The following PDSS2 variants were observed in gnomAD, a reference collection of about 807,000 sequenced individuals.
PDSS2 encodes decaprenyl diphosphate synthase subunit 2.
In PDSS2, 31 loss-of-function variants were observed where a neutral mutation model predicts 44.5. The ratio of observed to expected loss-of-function variants is 0.70; its 90% CI spans 0.52 to 0.94. The LOEUF (loss-of-function observed/expected upper bound fraction) is 0.94. Among genes scored for constraint, PDSS2 ranks in the 40% least tolerant of loss-of-function variants. The pLI, the probability that PDSS2 is intolerant of heterozygous loss-of-function variation, is 0.00. For missense variants in PDSS2, 452 were observed against 482.2 expected (o/e 0.94, Z 0.59); for synonymous variants, 157 against 180.3 (o/e 0.87, Z 1.03).
At position 107,459,561 on chromosome 6, in the gene PDSS2, G is replaced by A. The variant is rs1009916932; in HGVS notation, c.-276C>T. On this transcript the variant is annotated 5_prime_UTR_variant, in exon 1 of 8. Coordinates refer to ENST00000369037, the MANE Select transcript of PDSS2 (RefSeq NM_020381.4). The surrounding 1 kb of genome is among the most constrained non-coding windows in gnomAD (Gnocchi z 4.3). ...CTATGTGGAGGACGCCATATTGGAG[G>A]CATGGAATGCGGCCTGCCGTAAAGA... The A allele has an allele frequency of 1.0e-5, 5 of 490,832 alleles. No individual in the cohort carries two copies. The highest frequency in any genetic ancestry group is 3.7e-5 in the Admixed American group (1 of 26,962). The allele number at this position is 490,832 out of a possible 1,614,324, so 30.4% of individuals were successfully genotyped here.
intron 2 of PDSS2, among the ~76,000 whole-genome samples, chr6:107,314,048 T>A (rs1777128881): frequency 6.6e-6 from 1 of 151,922 alleles, no homozygotes; most frequent in African/African-American, 2.4e-5. Context: ...GATCTAAGAG[T>A]CCAAGGTTGC....
At chr6:107,456,708 ATTTAT>A (rs1479248623) in intron 1 of PDSS2, among the ~76,000 whole-genome samples, 1 of 152,086 alleles carries the variant, frequency 6.6e-6, no homozygotes, top group African/African-American at 2.4e-5. Context: ...CGCCCAACTA[ATTTAT>A]TTTATTTTTT....
At chr6:107,345,408 C>G (rs1778211565) in intron 1 of PDSS2, among the ~76,000 whole-genome samples, 1 of 150,440 alleles carries the variant, frequency 6.6e-6, no homozygotes, top group Non-Finnish European at 1.5e-5. Flanking sequence ...AGTATCAGTC[C>G]TATTAGCTAA....
intron 4 of PDSS2, among the ~76,000 whole-genome samples, chr6:107,215,154 C>A (rs971541912): frequency 2.6e-5 from 4 of 151,972 alleles, no homozygotes; most frequent in African/African-American, 9.7e-5. Context: ...TAAGAAAAAC[C>A]ATATTATCTC....
chr6:107,411,764 C>T (rs947767655), intron 1 of PDSS2, among the ~76,000 whole-genome samples: 1 of 151,756 alleles, frequency 6.6e-6, no homozygotes, highest in Non-Finnish European at 1.5e-5. Flanking sequence ...ATACACAATA[C>T]TACTTCATTT....
Position 107,212,273 on chromosome 6 carries a change from T to C in PDSS2, c.712A>G (p.Ile238Val). 6.2e-7 allele frequency: 1 copy of C among 1,611,598 alleles called. No homozygotes were observed. Among genetic ancestry groups the C allele is most frequent in the Non-Finnish European group, 8.5e-7 (1 of 1,178,602 alleles). Residue 238 changes from isoleucine (I) to valine (V), a missense_variant, in exon 5 of 8, where the codon ATC becomes GTC. Transcript: ENST00000369037. ...GTCGATATTCCAATATCATCTGTGA[T>C]ATAACTTTCCTAAAAATGTAACAAA... ...HENSTSKESY[I>V]TDDIGISTWK...
chr6:107,254,136 T>C (rs970443200), intron 3 of PDSS2, among the ~76,000 whole-genome samples: 1 of 150,114 alleles, frequency 6.7e-6, no homozygotes, highest in Admixed American at 6.7e-5. Flanking sequence ...CGGGTTCAAG[T>C]GATTCTCCTG....
intron 1 of PDSS2, among the ~76,000 whole-genome samples, chr6:107,363,752 C>T (rs547620389): frequency 2.9e-4 from 44 of 152,288 alleles, no homozygotes; most frequent in African/African-American, 9.6e-4. Flanking sequence ...AGCCGAGTGG[C>T]CTGTTTTGTC....
At chr6:107,160,369 A>G (rs782012627) in intron 7 of PDSS2, among the ~76,000 whole-genome samples, 44 of 152,252 alleles carry the variant, frequency 2.9e-4, no homozygotes, top group Admixed American at 7.9e-4. Context: ...AGAGATTCTA[A>G]AAGGCCTTCC....
intron 1 of PDSS2, among the ~76,000 whole-genome samples, chr6:107,429,640 G>A (rs915620808): frequency 7.3e-5 from 11 of 151,574 alleles, no homozygotes; most frequent in Admixed American, 6.6e-5. Flanking sequence ...ATCTCTGCAC[G>A]CTGGGAGGCC....
At chr6:107,334,154 A>T (rs3764914) in intron 2 of PDSS2, 44 bp downstream of exon 2, 1 of 1,570,402 alleles carries the variant, frequency 6.4e-7, no homozygotes, top group Non-Finnish European at 8.8e-7. Context: ...AGTAAAAGAA[A>T]ACACGATGTA....
chr6:107,429,913 T>A (rs1186114205), intron 1 of PDSS2, among the ~76,000 whole-genome samples: 23,232 of 66,126 alleles, frequency 0.35, 6,182 homozygotes, highest in Non-Finnish European at 0.43. Context: ...TATATATATA[T>A]ATATATATAT....
At chr6:107,319,256 T>C (rs1198190776) in intron 2 of PDSS2, among the ~76,000 whole-genome samples, 1 of 152,160 alleles carries the variant, frequency 6.6e-6, no homozygotes, top group Non-Finnish European at 1.5e-5. Context: ...AATAGAAAGT[T>C]TCCCCTACTC....
intron 1 of PDSS2, among the ~76,000 whole-genome samples, chr6:107,384,993 GT>G (rs1221097239): frequency 2.6e-5 from 4 of 152,176 alleles, no homozygotes; most frequent in Admixed American, 6.5e-5. Context: ...TACACAGTAA[GT>G]GCTCAATAAA....
At chr6:107,225,151 ATATATATATATTTTTTTTTTTTTT>A (rs1316485611) in intron 4 of PDSS2, among the ~76,000 whole-genome samples, 1 of 51,432 alleles carries the variant, frequency 1.9e-5, no homozygotes, top group African/African-American at 1.5e-4. Flanking sequence ...ATATATATAT[ATATATATATATTTTTTTTTTTTTT>A]TTTTTTTTTT....
chr6:107,280,515 T>A (rs1180107576), intron 2 of PDSS2, among the ~76,000 whole-genome samples: 4 of 152,180 alleles, frequency 2.6e-5, no homozygotes, highest in Non-Finnish European at 1.5e-5. Flanking sequence ...TGTTAAAAAA[T>A]TTCATCTGCT....
At chr6:107,449,293 T>C (rs538994986) in intron 1 of PDSS2, among the ~76,000 whole-genome samples, 4 of 152,336 alleles carry the variant, frequency 2.6e-5, no homozygotes, top group Admixed American at 2.0e-4. Context: ...TTTTAAAAAA[T>C]TGGGTAAAAT....
At chr6:107,190,028 A>T (rs995763183) in intron 7 of PDSS2, among the ~76,000 whole-genome samples, 2 of 151,954 alleles carry the variant, frequency 1.3e-5, no homozygotes, top group African/African-American at 4.8e-5. Context: ...AGGCTGCAGT[A>T]AGCTATGATT....
intron 2 of PDSS2, among the ~76,000 whole-genome samples, chr6:107,323,918 C>T (rs1430989174): frequency 3.3e-5 from 5 of 152,142 alleles, no homozygotes; most frequent in Admixed American, 6.6e-5. Context: ...ATGTTATTTA[C>T]ATGCAATAAA....
Sources: allele counts gnomAD v4.1 joint callset (sites outside exome capture counted in the v4.1 genomes callset), GRCh38; gene constraint gnomAD v4.1.1; non-coding constraint Gnocchi (gnomAD v3.1); transcripts MANE v1.5; gene names NCBI Gene and HGNC (gene_info 2026-07-23, HGNC 2026-07-21).